Variants in DNAH14 observed in about 807,000 individuals in gnomAD.
The protein encoded by DNAH14 is axonemal beta dynein heavy chain 14.
DNAH14 carries 478 observed loss-of-function variants against 520.9 expected under a neutral mutation model. The observed-to-expected ratio is 0.92, with a 90% CI of 0.85 to 0.99. The LOEUF is 0.99. Among genes scored for constraint, DNAH14 ranks in the 50% least tolerant of loss-of-function variants. DNAH14 has a pLI of 0.00. For synonymous variants in DNAH14, 1,581 were observed against 1,757.2 expected, an observed-to-expected ratio of 0.90 and a Z score of 2.51; for missense variants, 4,831 against 5,234.5, an observed-to-expected ratio of 0.92 and a Z score of 2.38.
intron 10 of DNAH14, among the ~76,000 whole-genome samples, chr1:225,009,273 A>C (rs1445606300): frequency 6.6e-6 from 1 of 152,024 alleles, no homozygotes; most frequent in Non-Finnish European, 1.5e-5. Flanking sequence ...TCTTGAGTTA[A>C]TTTTTGTATA....
At chr1:225,124,133 A>G (rs1339898032) in intron 27 of DNAH14, among the ~76,000 whole-genome samples, 1 of 152,190 alleles carries the variant, frequency 6.6e-6, no homozygotes, top group Non-Finnish European at 1.5e-5. Flanking sequence ...ATTACTAAAA[A>G]ATGCTAACAA....
intron 64 of DNAH14, among the ~76,000 whole-genome samples, chr1:225,329,710 A>C (rs943232034): frequency 1.3e-5 from 2 of 152,150 alleles, no homozygotes; most frequent in African/African-American, 4.8e-5. Flanking sequence ...TTGAGAAAAC[A>C]TTGGGGAAAA....
At chr1:225,133,712 C>G (rs921102324) in intron 27 of DNAH14, among the ~76,000 whole-genome samples, 1 of 152,060 alleles carries the variant, frequency 6.6e-6, no homozygotes, top group Non-Finnish European at 1.5e-5. Flanking sequence ...TATTTGGGCT[C>G]TTTTTTGGTT....
chr1:225,133,287 A>G (rs182784440), intron 27 of DNAH14, among the ~76,000 whole-genome samples: 1 of 152,108 alleles, frequency 6.6e-6, no homozygotes. Context: ...AATTTTTTTC[A>G]TGAAGTCTTT....
intron 22 of DNAH14, among the ~76,000 whole-genome samples, chr1:225,099,404 T>C (rs1221517846): frequency 6.6e-6 from 1 of 152,072 alleles, no homozygotes; most frequent in African/African-American, 2.4e-5. Flanking sequence ...CCAGCGGTAA[T>C]TTTTTTACCT....
At chr1:225,140,007 C>T (rs967888272) in intron 27 of DNAH14, among the ~76,000 whole-genome samples, 1 of 152,232 alleles carries the variant, frequency 6.6e-6, no homozygotes, top group African/African-American at 2.4e-5. Context: ...GTTTCTCATC[C>T]TGTATGCTCC....
chr1:225,275,468 G>A (rs2093443962), intron 52 of DNAH14, among the ~76,000 whole-genome samples: 1 of 152,202 alleles, frequency 6.6e-6, no homozygotes, highest in Non-Finnish European at 1.5e-5. Context: ...TGACCTTGGT[G>A]TGAAAGATAA....
chr1:225,022,608 G>A lies in DNAH14; in HGVS notation c.1108-1007G>A, dbSNP rs568944412. Reference sequence around the variant, plus strand: ...AAAAGTCAAAAAACAATAGATGCTGGTGAGGATGTGGCAAAAAGGAAACAC... The same window carrying A: ...AAAAGTCAAAAAACAATAGATGCTGATGAGGATGTGGCAAAAAGGAAACAC... On this transcript the variant is annotated intron_variant, in intron 10 of 85. Transcript: ENST00000682510. Among the ~76,000 whole-genome samples, 4 of 152,242 alleles carry A rather than the reference G, an allele frequency of 2.6e-5. No homozygotes were observed. In the South Asian group the frequency reaches 6.2e-4, roughly 24 times the overall value.
chr1:225,089,359 G>T (rs556118065), intron 21 of DNAH14, among the ~76,000 whole-genome samples: 2 of 147,394 alleles, frequency 1.4e-5, no homozygotes, highest in Non-Finnish European at 3.0e-5. Context: ...CAGGAGAATC[G>T]CTTGAAGCCG....
chr1:225,165,144 T>C (rs2081923967), intron 35 of DNAH14, among the ~76,000 whole-genome samples: 1 of 152,062 alleles, frequency 6.6e-6, no homozygotes, highest in Non-Finnish European at 1.5e-5. Flanking sequence ...TTATTTTCCT[T>C]TAATATATTA....
intron 44 of DNAH14, among the ~76,000 whole-genome samples, chr1:225,253,291 A>G (rs929057802): frequency 1.3e-5 from 2 of 152,212 alleles, no homozygotes; most frequent in Admixed American, 1.3e-4. Context: ...GTAGAAAAGT[A>G]TAACTGAATA....
intron 31 of DNAH14, among the ~76,000 whole-genome samples, chr1:225,148,629 T>C (rs2080185570): frequency 6.6e-6 from 1 of 152,118 alleles, no homozygotes; most frequent in African/African-American, 2.4e-5. Context: ...CTCAAACTCC[T>C]GACCTTGTGA....
intron 11 of DNAH14, among the ~76,000 whole-genome samples, chr1:225,026,847 G>A (rs2066155034): frequency 6.6e-6 from 1 of 152,028 alleles, no homozygotes; most frequent in South Asian, 2.1e-4. Context: ...ATAAATATGA[G>A]GAGTATTTTC....
chr1:225,123,761 A>G (rs7533311), intron 27 of DNAH14, 147 bp downstream of exon 27: 19,620 of 186,322 alleles, frequency 0.11, 3,782 homozygotes, highest in African/African-American at 0.42. Flanking sequence ...AGTTATGTTT[A>G]CACTATCCTG....
intron 54 of DNAH14, 147 bp downstream of exon 54, chr1:225,277,649 C>A (rs1339856848): frequency 5.6e-6 from 2 of 359,814 alleles, no homozygotes; most frequent in African/African-American, 4.3e-5. Flanking sequence ...CTTGTCCTCT[C>A]TGCAGTTTGC....
intron 54 of DNAH14, among the ~76,000 whole-genome samples, chr1:225,280,443 C>CA (rs577048688): frequency 1.7e-3 from 257 of 151,768 alleles, no homozygotes; most frequent in Middle Eastern, 3.4e-3. Flanking sequence ...ACTAAAAATA[C>CA]AAAAAATTAG....
chr1:225,040,679 T>C (rs1015082323), intron 12 of DNAH14, among the ~76,000 whole-genome samples: 2 of 152,226 alleles, frequency 1.3e-5, no homozygotes, highest in African/African-American at 2.4e-5. Flanking sequence ...CATTCCTGTA[T>C]ATTTCTCCTT....
chr1:225,165,211 TGAA>T (rs1011687750), intron 35 of DNAH14, among the ~76,000 whole-genome samples: 1 of 152,150 alleles, frequency 6.6e-6, no homozygotes, highest in Admixed American at 6.5e-5. Context: ...AGGGTCACTC[TGAA>T]GAAGGTCAAT....
rs191884062 is a variant in DNAH14, at chr1:225,160,708, A to G, written c.5445+1223A>G. On this transcript the variant is annotated intron_variant, in intron 35 of 85. Transcript: ENST00000682510. ...ACTATCTTAAGATTCTTTCAGTTTC[A>G]TGTTTCTGAGATTATTTGCTCAGTC... Among the ~76,000 whole-genome samples the G allele has an allele frequency of 2.6e-5, 4 of 152,188 alleles. No individual in the cohort carries two copies. In the East Asian group the frequency reaches 7.7e-4, roughly 29 times the overall value.
Sources: gnomAD v4.1 joint callset for allele counts (sites outside exome capture counted in the v4.1 genomes callset) on GRCh38, gnomAD v4.1.1 for gene constraint, MANE v1.5 for transcripts, NCBI Gene and HGNC (gene_info 2026-07-23, HGNC 2026-07-21) for gene names.